Variants in MYO16 observed in about 807,000 individuals in gnomAD.
The protein encoded by MYO16 is unconventional myosin-XVI.
Under a neutral mutation model 205.3 loss-of-function variants are expected in MYO16, and 94 were observed. The ratio of observed to expected loss-of-function variants is 0.46; its 90% CI spans 0.39 to 0.54. MYO16 has a LOEUF of 0.54. Among genes scored for constraint, MYO16 ranks in the 20% least tolerant of loss-of-function variants. The pLI, the probability that MYO16 is intolerant of heterozygous loss-of-function variation, is 0.00. For missense variants in MYO16, 2,315 were observed against 2,387.5 expected, an observed-to-expected ratio of 0.97 and a Z score of 0.63; for synonymous variants, 988 against 954.0, an observed-to-expected ratio of 1.04 and a Z score of -0.66.
intron 4 of MYO16, among the ~76,000 whole-genome samples, chr13:108,771,568 T>C (rs1359036790): frequency 6.6e-6 from 1 of 152,126 alleles, no homozygotes; most frequent in African/African-American, 2.4e-5. Flanking sequence ...TTTGGACAAA[T>C]GCAGTGACAT....
intron 34 of MYO16, among the ~76,000 whole-genome samples, chr13:109,185,847 C>T (rs1374275473): frequency 1.3e-5 from 2 of 152,100 alleles, no homozygotes; most frequent in South Asian, 2.1e-4. Flanking sequence ...ATAATATTCA[C>T]AAGTAATAAC....
At chr13:108,508,236 C>T in the MYO16 span, among the ~76,000 whole-genome samples, 1 of 131,766 alleles carries the variant, frequency 7.6e-6, no homozygotes. Flanking sequence ...TAGTTTTTTG[C>T]TGAAACTTGG....
At chr13:108,537,461 T>C in the MYO16 span, among the ~76,000 whole-genome samples, 16 of 152,282 alleles carry the variant, frequency 1.1e-4, no homozygotes, top group African/African-American at 3.8e-4. Context: ...GTGATAAACA[T>C]ATGACTATAG....
At chr13:108,519,461 C>G in the MYO16 span, among the ~76,000 whole-genome samples, 1 of 151,800 alleles carries the variant, frequency 6.6e-6, no homozygotes, top group Non-Finnish European at 1.5e-5. Context: ...GCCTTCTAAT[C>G]TGCGGATTTG....
At chr13:108,688,835 G>A (rs1056726816) in intron 2 of MYO16, among the ~76,000 whole-genome samples, 1 of 152,256 alleles carries the variant, frequency 6.6e-6, no homozygotes, top group Non-Finnish European at 1.5e-5. Flanking sequence ...AGTTACAAAA[G>A]TCACACAGTG....
At chr13:108,693,583 A>T (rs1450099029) in intron 2 of MYO16, among the ~76,000 whole-genome samples, 3 of 152,202 alleles carry the variant, frequency 2.0e-5, no homozygotes, top group African/African-American at 7.2e-5. Flanking sequence ...TCTTATAATA[A>T]CATTCCATTG....
intron 32 of MYO16, among the ~76,000 whole-genome samples, chr13:109,153,408 T>TAGATAC (rs1877791538): frequency 6.6e-6 from 1 of 151,930 alleles, no homozygotes; most frequent in Non-Finnish European, 1.5e-5. Flanking sequence ...TATATAGATA[T>TAGATAC]AGAAAGGATA....
intron 17 of MYO16, among the ~76,000 whole-genome samples, chr13:108,960,484 C>T (rs1883541295): frequency 6.6e-6 from 1 of 152,116 alleles, no homozygotes; most frequent in South Asian, 2.1e-4. Context: ...TCAATGCTCT[C>T]ACTTTAAAAT....
chr13:108,786,156 A>G (rs1409969609), intron 5 of MYO16, among the ~76,000 whole-genome samples: 1 of 152,194 alleles, frequency 6.6e-6, no homozygotes, highest in Admixed American at 6.5e-5. Flanking sequence ...AATTAGAGGC[A>G]AGGAAGTGAG....
At chr13:108,732,612 G>T (rs1239406651) in intron 4 of MYO16, among the ~76,000 whole-genome samples, 3 of 152,182 alleles carry the variant, frequency 2.0e-5, no homozygotes, top group Non-Finnish European at 4.4e-5. Flanking sequence ...AGAATGGCAT[G>T]GTGAGGTCAA....
intron 16 of MYO16, among the ~76,000 whole-genome samples, chr13:108,929,971 C>G (rs1882182606): frequency 6.6e-6 from 1 of 152,114 alleles, no homozygotes. Context: ...AAGAATAGAT[C>G]TATAAACCTA....
At chr13:108,853,186 G>A (rs185810213) in intron 10 of MYO16, among the ~76,000 whole-genome samples, 1 of 152,228 alleles carries the variant, frequency 6.6e-6, no homozygotes, top group African/African-American at 2.4e-5. Context: ...GTAGCGCTCG[G>A]TGCCTATGAG....
At chr13:108,764,448 G>T (rs942990626) in intron 4 of MYO16, among the ~76,000 whole-genome samples, 7 of 152,170 alleles carry the variant, frequency 4.6e-5, no homozygotes, top group African/African-American at 1.2e-4. Context: ...AAAAAGCAGA[G>T]TAAACAGACT....
chr13:108,622,517 T>C (rs890817234), intron 1 of MYO16, among the ~76,000 whole-genome samples: 3 of 152,136 alleles, frequency 2.0e-5, no homozygotes, highest in Non-Finnish European at 4.4e-5. Flanking sequence ...TTCATTAGCC[T>C]CATGCACTGT....
At chr13:108,945,176 A>G (rs1882888301) in intron 16 of MYO16, among the ~76,000 whole-genome samples, 1 of 152,242 alleles carries the variant, frequency 6.6e-6, no homozygotes, top group Admixed American at 6.5e-5. Context: ...TTAGAATATT[A>G]CAACTGGAGC....
chr13:108,704,778 A>G (rs947220969), intron 2 of MYO16, among the ~76,000 whole-genome samples: 2 of 152,126 alleles, frequency 1.3e-5, no homozygotes, highest in African/African-American at 2.4e-5. Context: ...CAAAAATGAA[A>G]AAAAGTAGTG....
intron 24 of MYO16, 77 bp from the exon 25 acceptor site, chr13:109,052,223 T>A: frequency 7.8e-7 from 1 of 1,285,022 alleles, no homozygotes; most frequent in Non-Finnish European, 1.1e-6. Flanking sequence ...TGGCTAGAGC[T>A]CTTGTATGAA....
intron 16 of MYO16, among the ~76,000 whole-genome samples, chr13:108,936,452 G>T (rs775506859): frequency 3.3e-5 from 5 of 151,934 alleles, no homozygotes; most frequent in Admixed American, 6.6e-5. Flanking sequence ...TCAATGTTGG[G>T]TGATTCTATG....
chr13:108,869,412 T>C (rs1878899953), intron 12 of MYO16, among the ~76,000 whole-genome samples: 1 of 151,992 alleles, frequency 6.6e-6, no homozygotes, highest in African/African-American at 2.4e-5. Flanking sequence ...TCTCCATGTA[T>C]GTATAAAAAC....
Sources: allele counts gnomAD v4.1 joint callset (sites outside exome capture counted in the v4.1 genomes callset), GRCh38; gene constraint gnomAD v4.1.1; transcripts MANE v1.5; gene names NCBI Gene and HGNC (gene_info 2026-07-23, HGNC 2026-07-21).